The following NCKAP5 variants were observed in gnomAD, a reference collection of about 807,000 sequenced individuals.
NCKAP5 encodes the protein NCK associated protein 5, also known as nck-associated protein 5.
In NCKAP5, 92 loss-of-function variants were observed where a neutral mutation model predicts 167.0. That is an observed-to-expected ratio of 0.55 (90% CI 0.47 to 0.66). NCKAP5 has a LOEUF of 0.66. Ranked by LOEUF, NCKAP5 falls within the 30% of genes least tolerant of loss-of-function variation. The pLI, the probability that NCKAP5 is intolerant of heterozygous loss-of-function variation, is 0.00. For missense variants in NCKAP5, 2,378 were observed against 2,315.0 expected (o/e 1.03, Z -0.56); for synonymous variants, 891 against 877.4 (o/e 1.02, Z -0.27).
chr2:133,589,257 T>C, the NCKAP5 span, among the ~76,000 whole-genome samples: 1 of 152,316 alleles, frequency 6.6e-6, no homozygotes, highest in East Asian at 1.9e-4. Context: ...GGGAATAGTT[T>C]ATATGTAGAT....
chr2:132,960,923 G>A lies in NCKAP5; in HGVS notation c.579+2797C>T, dbSNP rs2076493325. Among the ~76,000 whole-genome samples, 3 of 152,206 alleles carry A rather than the reference G, an allele frequency of 2.0e-5. No individual in the cohort carries two copies. In the South Asian group the frequency reaches 6.2e-4, roughly 32 times the overall value. On this transcript the variant is annotated intron_variant, in intron 8 of 19. Coordinates refer to ENST00000409261, the MANE Select transcript of NCKAP5 (RefSeq NM_207363.3). The stretch of plus-strand genomic sequence containing the variant: ...CCAAGAGATTAGGGCATACAAATAT[G>A]GTCATTTCAAAAATACGCTGATGGG...
chr2:132,697,517 C>A (rs1413496949), intron 19 of NCKAP5, among the ~76,000 whole-genome samples: 1 of 151,884 alleles, frequency 6.6e-6, no homozygotes, highest in Admixed American at 6.6e-5. Context: ...GGAACATTAA[C>A]ATAAATAGAA....
chr2:132,818,316 A>T (rs945450063), intron 11 of NCKAP5, among the ~76,000 whole-genome samples: 12 of 152,216 alleles, frequency 7.9e-5, no homozygotes, highest in African/African-American at 2.7e-4. Context: ...CTGTCTCTAC[A>T]GACTTATAAT....
intron 6 of NCKAP5, among the ~76,000 whole-genome samples, chr2:133,008,423 T>A (rs995715412): frequency 6.6e-6 from 1 of 152,214 alleles, no homozygotes; most frequent in African/African-American, 2.4e-5. Flanking sequence ...AAGCCTTCAG[T>A]AAGACAGTTA....
intron 3 of NCKAP5, among the ~76,000 whole-genome samples, chr2:133,324,673 A>AAT (rs1342126787): frequency 3.9e-5 from 6 of 152,138 alleles, no homozygotes; most frequent in South Asian, 2.1e-4. Flanking sequence ...TAACTAAGAA[A>AAT]ATATATATAT....
chr2:132,915,565 CCA>C (rs1558936822), intron 8 of NCKAP5: 1 of 152,132 alleles, frequency 6.6e-6, no homozygotes, highest in Non-Finnish European at 1.5e-5. Context: ...AGAATACAGC[CCA>C]CTGGTTGGGG....
chr2:132,688,985 C>CAAAAA (rs34015551), intron 19 of NCKAP5, among the ~76,000 whole-genome samples: 3 of 66,308 alleles, frequency 4.5e-5, no homozygotes, highest in African/African-American at 5.9e-5. Flanking sequence ...GACACCAACT[C>CAAAAA]AAAAAAAAAA....
chr2:133,521,833 T>C (rs1278512806), intron 2 of NCKAP5, among the ~76,000 whole-genome samples: 1 of 152,212 alleles, frequency 6.6e-6, no homozygotes, highest in Non-Finnish European at 1.5e-5. Flanking sequence ...CCATAACAGT[T>C]ATTTTCAGTC....
intron 3 of NCKAP5, among the ~76,000 whole-genome samples, chr2:133,354,185 A>G (rs922324474): frequency 6.6e-6 from 1 of 151,732 alleles, no homozygotes; most frequent in Admixed American, 6.6e-5. Context: ...TATATGCATT[A>G]TATAATACTT....
At chr2:133,592,296 C>T in the NCKAP5 span, among the ~76,000 whole-genome samples, 1 of 152,298 alleles carries the variant, frequency 6.6e-6, no homozygotes, top group Non-Finnish European at 1.5e-5. Flanking sequence ...GAATGAGATC[C>T]AAGTCAGCCT....
At chr2:132,839,872 T>C (rs187511628) in intron 11 of NCKAP5, among the ~76,000 whole-genome samples, 1 of 152,104 alleles carries the variant, frequency 6.6e-6, no homozygotes, top group East Asian at 1.9e-4. Context: ...ATACATTTTC[T>C]ATACTGTATT....
At chr2:133,378,026 C>T (rs1686270983) in intron 3 of NCKAP5, among the ~76,000 whole-genome samples, 1 of 152,154 alleles carries the variant, frequency 6.6e-6, no homozygotes, top group Non-Finnish European at 1.5e-5. Flanking sequence ...ATATGAACCA[C>T]CGGCTTTTTG....
At chr2:133,518,404 G>C (rs1684200338) in intron 2 of NCKAP5, among the ~76,000 whole-genome samples, 1 of 129,968 alleles carries the variant, frequency 7.7e-6, no homozygotes, top group African/African-American at 2.9e-5. Context: ...ACCCAGGCTG[G>C]AGTACAGTGG....
At chr2:133,433,168 C>G (rs1574947265) in intron 3 of NCKAP5, among the ~76,000 whole-genome samples, 1 of 152,136 alleles carries the variant, frequency 6.6e-6, no homozygotes, top group African/African-American at 2.4e-5. Context: ...ACCTAAATAT[C>G]TGTTATAAAT....
chr2:132,910,904 AT>A (rs1694397062), intron 8 of NCKAP5, among the ~76,000 whole-genome samples: 1 of 152,322 alleles, frequency 6.6e-6, no homozygotes, highest in East Asian at 1.9e-4. Context: ...CAGAAGTATA[AT>A]TCTATCTCAT....
At chr2:133,206,863 T>C (rs918715673) in intron 5 of NCKAP5, among the ~76,000 whole-genome samples, 4 of 152,054 alleles carry the variant, frequency 2.6e-5, no homozygotes, top group Non-Finnish European at 4.4e-5. Flanking sequence ...TCTGGGAGTG[T>C]CTGTCTTATG....
At chr2:132,984,279 G>T (rs1036270032) in intron 7 of NCKAP5, among the ~76,000 whole-genome samples, 2 of 152,170 alleles carry the variant, frequency 1.3e-5, no homozygotes, top group East Asian at 1.9e-4. Flanking sequence ...ACTGTTCTGG[G>T]TTGAGGCCCA....
At chr2:132,775,243 T>C (rs981853539) in intron 15 of NCKAP5, among the ~76,000 whole-genome samples, 3 of 152,260 alleles carry the variant, frequency 2.0e-5, no homozygotes, top group African/African-American at 4.8e-5. Context: ...GACCTTGAGC[T>C]GGATTTAGCT....
At chr2:132,796,885 C>G (rs1223565289) in intron 11 of NCKAP5, among the ~76,000 whole-genome samples, 156 bp from the exon 12 acceptor site, 4 of 151,968 alleles carry the variant, frequency 2.6e-5, no homozygotes, top group African/African-American at 9.7e-5. Flanking sequence ...ATCAGTGTTC[C>G]CATACATGTA....
Sources: gnomAD v4.1 joint callset for allele counts (sites outside exome capture counted in the v4.1 genomes callset) on GRCh38, gnomAD v4.1.1 for gene constraint, MANE v1.5 for transcripts, NCBI Gene and HGNC (gene_info 2026-07-23, HGNC 2026-07-21) for gene names.